Variants in PAAF1 observed in about 807,000 individuals in gnomAD.
PAAF1 encodes proteasomal ATPase associated factor 1.
In PAAF1, 46 loss-of-function variants were observed where a neutral mutation model predicts 52.8. That is an observed-to-expected ratio of 0.87 (90% confidence interval 0.69 to 1.11). The LOEUF (loss-of-function observed/expected upper bound fraction) is 1.11, where lower values mean the gene tolerates loss of function less well. Ranked by LOEUF, PAAF1 falls within the 50% of genes most tolerant of loss-of-function variation. The pLI, the probability that PAAF1 is intolerant of heterozygous loss-of-function variation, is 0.00. For synonymous variants in PAAF1, 178 were observed against 172.8 expected (o/e 1.03, Z -0.24); for missense variants, 424 against 477.4 (o/e 0.89, Z 1.04).
At chr11:73,887,265 A>G (rs1179204498) in intron 2 of PAAF1, 89 bp from the exon 3 acceptor site, 5 of 913,832 alleles carry the variant, frequency 5.5e-6, no homozygotes, top group Non-Finnish European at 8.2e-6. Flanking sequence ...TGGGTATACT[A>G]TTTATACAGA....
chr11:73,897,643 G>A (rs996122080), intron 4 of PAAF1, among the ~76,000 whole-genome samples: 5 of 147,684 alleles, frequency 3.4e-5, no homozygotes, highest in African/African-American at 7.8e-5. Context: ...CGGGCAGAGA[G>A]GCTCCTCACT....
rs372616132 is a variant in PAAF1 at position 73,909,602 on chromosome 11, A to T, written c.727+9A>T. The T allele has an allele frequency of 6.2e-7, 1 of 1,613,170 alleles. No individual in the cohort carries two copies. The highest frequency in any genetic ancestry group is 8.5e-7 in the Non-Finnish European group (1 of 1,179,302). On this transcript the variant is annotated intron_variant, in intron 7 of 11. Coordinates refer to ENST00000310571, the MANE Select transcript of PAAF1 (RefSeq NM_025155.3). ...CCCTGAGCAGATGCCCAGTAAGTTGATAATGATATGTAGCATTGTTTTATT... is the reference window on the plus strand; with the variant it reads ...CCCTGAGCAGATGCCCAGTAAGTTGTTAATGATATGTAGCATTGTTTTATT...
intron 9 of PAAF1, among the ~76,000 whole-genome samples, chr11:73,918,352 A>ATTTTTTTTTTGTTTTTT (rs1950123333): frequency 1.4e-5 from 1 of 71,668 alleles, no homozygotes; most frequent in African/African-American, 5.3e-5. Flanking sequence ...CAGTTACTTA[A>ATTTTTTTTTTGTTTTTT]TTTTTTTTTT....
chr11:73,908,389 ATATATATATGTG>A lies in PAAF1; in HGVS notation c.533-996_533-985del, dbSNP rs1480996953. Among the ~76,000 whole-genome samples the A allele has an allele frequency of 2.3e-3, 220 of 96,454 alleles. 1 individual carries two copies. The highest frequency in any genetic ancestry group is 9.8e-3 in the African/African-American group (197 of 20,194). 63.3% of individuals were successfully genotyped at this position (96,454 alleles called of 152,430 possible). On this transcript the variant is annotated intron_variant, in intron 6 of 11. Coordinates refer to ENST00000310571, the MANE Select transcript of PAAF1 (RefSeq NM_025155.3). ...TATATATATGTATATATATGTGTGT[ATATATATATGTG>A]TATATATATGTGTGTATATATATAT... is the stretch of plus-strand genomic sequence containing the variant.
intron 9 of PAAF1, among the ~76,000 whole-genome samples, chr11:73,918,089 T>C (rs1950113190): frequency 6.6e-6 from 1 of 152,090 alleles, no homozygotes; most frequent in Admixed American, 6.5e-5. Flanking sequence ...CGTTGCCAAG[T>C]AAAGAAGGAG....
At chr11:73,916,333 T>C (rs1950063224) in intron 8 of PAAF1, among the ~76,000 whole-genome samples, 1 of 152,206 alleles carries the variant, frequency 6.6e-6, no homozygotes, top group African/African-American at 2.4e-5. Flanking sequence ...TATAACCTGC[T>C]CAAGTCCTTA....
chr11:73,893,651 C>T (rs1473507151), intron 4 of PAAF1, among the ~76,000 whole-genome samples: 1 of 144,646 alleles, frequency 6.9e-6, no homozygotes, highest in Non-Finnish European at 1.5e-5. Context: ...GCAGGAGAAT[C>T]GCTTGAACGC....
intron 2 of PAAF1, among the ~76,000 whole-genome samples, chr11:73,885,403 A>C (rs1163793656): frequency 2.0e-5 from 3 of 151,586 alleles, no homozygotes; most frequent in African/African-American, 7.3e-5. Context: ...TGGGCTCCCA[A>C]AGTGCTGAGA....
Position 73,909,489 on chromosome 11 carries a change from C to G in PAAF1, c.623C>G (p.Ser208Ter). The change falls in exon 7 of 12, where the codon TCA (serine) becomes TGA (stop). Residue 208 changes from serine (S) to a stop codon, truncating the protein, a stop_gained. Coordinates refer to ENST00000310571, the MANE Select transcript of PAAF1 (RefSeq NM_025155.3). LOFTEE classifies it high-confidence loss of function. ...GCACGACTTTGGGATTGTGGGCGCTCAGCCTGCTTGGGAGTCCTTGCAGAT... is the reference window on the plus strand; with the variant it reads ...GCACGACTTTGGGATTGTGGGCGCTGAGCCTGCTTGGGAGTCCTTGCAGAT... ...GTARLWDCGR[S>*]ACLGVLADCG... 1 of 1,614,188 alleles carries G rather than the reference C, an allele frequency of 6.2e-7. No homozygotes were observed. The highest frequency in any genetic ancestry group is 8.5e-7 in the Non-Finnish European group (1 of 1,180,042).
chr11:73,906,680 C>A (rs564529474), intron 6 of PAAF1, among the ~76,000 whole-genome samples: 2 of 152,194 alleles, frequency 1.3e-5, no homozygotes, highest in Non-Finnish European at 2.9e-5. Context: ...AAAGCTGTGG[C>A]ATTTTCTTAA....
chr11:73,908,362 T>C (rs1004868481), intron 6 of PAAF1, among the ~76,000 whole-genome samples: 2 of 126,988 alleles, frequency 1.6e-5, no homozygotes, highest in Admixed American at 1.5e-4. Context: ...TATATGTGTG[T>C]ATATATATAT....
chr11:73,888,209 C>CA (rs1229475721), intron 3 of PAAF1, among the ~76,000 whole-genome samples: 1 of 152,152 alleles, frequency 6.6e-6, no homozygotes, highest in African/African-American at 2.4e-5. Context: ...TATCTCAGCT[C>CA]AGACTCTAAT....
At chr11:73,898,874 G>T (rs944312456) in intron 4 of PAAF1, among the ~76,000 whole-genome samples, 1 of 152,094 alleles carries the variant, frequency 6.6e-6, no homozygotes, top group African/African-American at 2.4e-5. Flanking sequence ...GAAATGAAAT[G>T]GGGATAGGGA....
intron 2 of PAAF1, among the ~76,000 whole-genome samples, chr11:73,886,074 G>GT (rs1435369536): frequency 6.6e-6 from 1 of 152,146 alleles, no homozygotes; most frequent in African/African-American, 2.4e-5. Context: ...AATGGAAACA[G>GT]TTTTTAACTT....
At chr11:73,910,363 A>G (rs1461472215) in intron 7 of PAAF1, among the ~76,000 whole-genome samples, 1 of 152,216 alleles carries the variant, frequency 6.6e-6, no homozygotes, top group East Asian at 1.9e-4. Flanking sequence ...CAGTAATTGT[A>G]AGGATAGGAC....
intron 6 of PAAF1, among the ~76,000 whole-genome samples, chr11:73,906,470 T>TGAACTCCTGGCCTC (rs1949758064): frequency 6.6e-6 from 1 of 152,132 alleles, no homozygotes. Context: ...AGGCTGGTCT[T>TGAACTCCTGGCCTC]GAACTCCTGG....
chr11:73,885,559 G>T (rs541892395), intron 2 of PAAF1, among the ~76,000 whole-genome samples: 22 of 151,432 alleles, frequency 1.5e-4, no homozygotes, highest in South Asian at 6.3e-4. Context: ...AAGCCCTCCC[G>T]GCCTGGTCGT....
At chr11:73,886,888 T>C (rs1295552466) in intron 2 of PAAF1, 1 of 354,606 alleles carries the variant, frequency 2.8e-6, no homozygotes, top group Non-Finnish European at 5.6e-6. Flanking sequence ...CCCTGGAGAG[T>C]GAGAGTGACT....
At chr11:73,898,099 G>A (rs1384950792) in intron 4 of PAAF1, among the ~76,000 whole-genome samples, 2 of 152,134 alleles carry the variant, frequency 1.3e-5, no homozygotes, top group Non-Finnish European at 2.9e-5. Context: ...AGGAGAATCA[G>A]GCAGGGAGGT....
Sources: gnomAD v4.1 joint callset for allele counts (sites outside exome capture counted in the v4.1 genomes callset) on GRCh38, gnomAD v4.1.1 for gene constraint, MANE v1.5 for transcripts, NCBI Gene and HGNC (gene_info 2026-07-23, HGNC 2026-07-21) for gene names.